Variants in ELAVL1 observed in about 807,000 individuals in gnomAD.
ELAVL1 encodes the protein ELAV like RNA binding protein 1.
A neutral mutation model predicts 28.4 loss-of-function variants in ELAVL1; 1 was observed. The observed-to-expected ratio is 0.04, with a 90% confidence interval of 0.01 to 0.17. The LOEUF (loss-of-function observed/expected upper bound fraction) is 0.17. ELAVL1 is among the 10% of genes least tolerant of loss of function. The pLI is 1.00. For missense variants in ELAVL1, 157 were observed against 447.2 expected, an observed-to-expected ratio of 0.35 and a Z score of 5.85; for synonymous variants, 174 against 183.5, an observed-to-expected ratio of 0.95 and a Z score of 0.42.
At position 7,991,850 on chromosome 19, in the gene ELAVL1, C is replaced by A; in HGVS notation, c.-16-19G>T. 2 of 1,561,712 alleles carry A rather than the reference C, an allele frequency of 1.3e-6. No individual in the cohort carries two copies. Among genetic ancestry groups the A allele is most frequent in the Non-Finnish European group, 1.7e-6 (2 of 1,148,738 alleles). On this transcript the variant is annotated intron_variant, in intron 1 of 5. Coordinates refer to ENST00000407627, the MANE Select transcript of ELAVL1 (RefSeq NM_001419.3). ...CAAAAATCTGCCAAGAGAAAAAGAG[C>A]AAGTAAATTCAAAATGTTCATATTG...
At chr19:7,987,245 C>A (rs1985631852) in intron 2 of ELAVL1, among the ~76,000 whole-genome samples, 2 of 152,074 alleles carry the variant, frequency 1.3e-5, no homozygotes. Flanking sequence ...TTTAACCCGA[C>A]CAGAGATATA....
chr19:7,995,670 A>C (rs1985856451), intron 1 of ELAVL1, among the ~76,000 whole-genome samples: 1 of 152,210 alleles, frequency 6.6e-6, no homozygotes, highest in African/African-American at 2.4e-5. Flanking sequence ...CACAAAAAAA[A>C]TCTGCCGACC....
chr19:8,004,766 G>C (rs1299108160), intron 1 of ELAVL1, among the ~76,000 whole-genome samples: 1 of 152,074 alleles, frequency 6.6e-6, no homozygotes, highest in Admixed American at 6.5e-5. Flanking sequence ...TTCTCCACCT[G>C]CCCTGCACAC....
At chr19:7,966,243 C>A (rs1984953497) in intron 5 of ELAVL1, among the ~76,000 whole-genome samples, 2 of 152,106 alleles carry the variant, frequency 1.3e-5, no homozygotes, top group African/African-American at 2.4e-5. Flanking sequence ...GCCCTCGATG[C>A]CACTCCTTGA....
chr19:7,988,115 G>C (rs1199584326), intron 2 of ELAVL1, among the ~76,000 whole-genome samples: 1 of 152,204 alleles, frequency 6.6e-6, no homozygotes, highest in Non-Finnish European at 1.5e-5. Flanking sequence ...GGGATGGACT[G>C]AAGCAACACC....
At chr19:7,974,818 T>A (rs1985234347) in intron 3 of ELAVL1, among the ~76,000 whole-genome samples, 1 of 152,160 alleles carries the variant, frequency 6.6e-6, no homozygotes, top group South Asian at 2.1e-4. Flanking sequence ...AAGCCGCCAC[T>A]CAGGAGTCAC....
chr19:8,003,369 A>G (rs1027896208), intron 1 of ELAVL1, among the ~76,000 whole-genome samples: 55 of 132,918 alleles, frequency 4.1e-4, no homozygotes, highest in Admixed American at 7.8e-4. Flanking sequence ...AAAAAAAAAA[A>G]AAAAAGAAAA....
chr19:7,997,141 A>G (rs989498544), intron 1 of ELAVL1, among the ~76,000 whole-genome samples: 1 of 152,240 alleles, frequency 6.6e-6, no homozygotes, highest in Non-Finnish European at 1.5e-5. Flanking sequence ...ACAGATTGGC[A>G]GTTTCTTATG....
intron 4 of ELAVL1, chr19:7,972,798 T>A (rs1203478137): frequency 9.8e-6 from 1 of 102,202 alleles, no homozygotes; most frequent in Non-Finnish European, 1.9e-5. Context: ...GGCTGCAGTA[T>A]CCTTTTTTTT....
intron 2 of ELAVL1, among the ~76,000 whole-genome samples, chr19:7,989,112 C>T (rs1052930114): frequency 2.0e-5 from 3 of 152,220 alleles, no homozygotes; most frequent in Middle Eastern, 3.4e-3. Context: ...CCTGCCTGGC[C>T]GGGTGAGAGG....
chr19:7,974,013 G>T, intron 3 of ELAVL1, 135 bp from the exon 4 acceptor site: 2 of 1,172,380 alleles, frequency 1.7e-6, no homozygotes, highest in Non-Finnish European at 2.4e-6. Flanking sequence ...CATCACTGAC[G>T]CTCACCGCCT....
intron 5 of ELAVL1, among the ~76,000 whole-genome samples, chr19:7,965,095 TTTTC>T (rs1177959185): frequency 1.4e-4 from 22 of 152,204 alleles, no homozygotes; most frequent in African/African-American, 3.1e-4. Flanking sequence ...CCAACGGTGA[TTTTC>T]TTTATTTTTG....
intron 4 of ELAVL1, among the ~76,000 whole-genome samples, chr19:7,968,208 C>T (rs1404560052): frequency 1.3e-5 from 2 of 152,162 alleles, no homozygotes; most frequent in African/African-American, 2.4e-5. Context: ...GTGGGGACTG[C>T]GTCTGAGAGA....
At chr19:7,973,951 G>A in intron 3 of ELAVL1, 73 bp from the exon 4 acceptor site, 1 of 1,563,196 alleles carries the variant, frequency 6.4e-7, no homozygotes, top group Non-Finnish European at 8.7e-7. Flanking sequence ...GTTGAATGCT[G>A]GGTTAGGAAA....
intron 1 of ELAVL1, among the ~76,000 whole-genome samples, chr19:7,992,220 C>T (rs915048488): frequency 4.7e-4 from 72 of 152,260 alleles, no homozygotes; most frequent in African/African-American, 1.6e-3. Flanking sequence ...GGATTAGAGG[C>T]ATGAGCCACA....
rs1429623534 is a variant in ELAVL1 at position 7,962,234 on chromosome 19, CA to C, written c.*1248del. 1 of 153,230 alleles carries C rather than the reference CA, an allele frequency of 6.5e-6. No homozygotes were observed. Among genetic ancestry groups the C allele is most frequent in the East Asian group, 1.9e-4 (1 of 5,190 alleles). 9.5% of individuals were successfully genotyped at this position (153,230 alleles called of 1,614,324 possible). ...CTGGGCCACCTGCACCTTCCCTAGC[CA>C]AAAAGAAAGAAAAGGTAAAATAAAA... is the stretch of plus-strand genomic sequence containing the variant. On this transcript the variant is annotated 3_prime_UTR_variant, in exon 6 of 6. Coordinates refer to ENST00000407627, the MANE Select transcript of ELAVL1 (RefSeq NM_001419.3).
At chr19:7,996,887 C>G (rs2081051181) in intron 1 of ELAVL1, among the ~76,000 whole-genome samples, 1 of 152,046 alleles carries the variant, frequency 6.6e-6, no homozygotes, top group African/African-American at 2.4e-5. Flanking sequence ...GATACTATAC[C>G]AAAGAATATA....
chr19:7,973,566 G>T, intron 4 of ELAVL1, 159 bp downstream of exon 4: 3 of 884,736 alleles, frequency 3.4e-6, no homozygotes, highest in Non-Finnish European at 5.1e-6. Flanking sequence ...TACCTCCTCA[G>T]CCTCCTCAAA....
intron 1 of ELAVL1, among the ~76,000 whole-genome samples, chr19:8,003,575 C>T (rs1287572172): frequency 6.6e-6 from 1 of 151,194 alleles, no homozygotes; most frequent in African/African-American, 2.4e-5. Flanking sequence ...GCCTGTAGTC[C>T]CAGCTACTCG....
Sources: gnomAD v4.1 joint callset for allele counts (sites outside exome capture counted in the v4.1 genomes callset) on GRCh38, gnomAD v4.1.1 for gene constraint, MANE v1.5 for transcripts, NCBI Gene and HGNC (gene_info 2026-07-23, HGNC 2026-07-21) for gene names.